DTNA: variants seen among roughly 807,000 people sequenced by gnomAD.
DTNA encodes dystrophin-related protein 3.
In DTNA, 43 loss-of-function variants were observed where a neutral mutation model predicts 100.7. The observed-to-expected ratio is 0.43, with a 90% CI of 0.33 to 0.55. DTNA has a LOEUF of 0.55. Ranked by LOEUF, DTNA falls within the 20% of genes least tolerant of loss-of-function variation. DTNA has a pLI of 0.04. For synonymous variants in DTNA, 349 were observed against 347.9 expected (o/e 1.00, Z -0.04); for missense variants, 798 against 953.9 (o/e 0.84, Z 2.15).
chr18:34,552,907 T>G (rs1228308340), intron 1 of DTNA, among the ~76,000 whole-genome samples: 34 of 144,592 alleles, frequency 2.4e-4, no homozygotes, highest in Non-Finnish European at 4.4e-4. Flanking sequence ...ATGGGATGGC[T>G]GGGTCAAATG....
chr18:34,777,866 G>A lies in DTNA; in HGVS notation c.148+11825G>A, dbSNP rs117796350. On this transcript the variant is annotated intron_variant, in intron 3 of 22. Transcript: ENST00000444659. ...ACAATTCACGATGAGATTTGGGTGG[G>A]GACACAGAATCAAACCACATCAACC... is the stretch of plus-strand genomic sequence containing the variant. 4.1e-3 allele frequency among the ~76,000 whole-genome samples: 625 copies of A among 152,188 alleles called. 17 individuals are homozygous for A. In the East Asian group the frequency reaches 0.077, roughly 19 times the overall value.
chr18:34,564,344 A>T (rs1214592448), intron 1 of DTNA, among the ~76,000 whole-genome samples: 1 of 152,098 alleles, frequency 6.6e-6, no homozygotes, highest in Admixed American at 6.6e-5. Context: ...GGGTTTCACC[A>T]TCTTGGCCAG....
At chr18:34,798,339 T>C (rs1323141390) in intron 4 of DTNA, among the ~76,000 whole-genome samples, 2 of 152,170 alleles carry the variant, frequency 1.3e-5, no homozygotes, top group Non-Finnish European at 2.9e-5. Flanking sequence ...TAAGTCTTCC[T>C]TGATCTCCAA....
intron 1 of DTNA, among the ~76,000 whole-genome samples, chr18:34,659,989 A>G (rs952406810): frequency 2.6e-5 from 4 of 152,214 alleles, no homozygotes; most frequent in Admixed American, 1.3e-4. Context: ...AGTATAATGA[A>G]GTATTGAGCT....
intron 16 of DTNA, among the ~76,000 whole-genome samples, chr18:34,863,528 T>C (rs566930740): frequency 6.6e-6 from 1 of 152,332 alleles, no homozygotes; most frequent in South Asian, 2.1e-4. Flanking sequence ...TAAATATATT[T>C]CCAAATACTA....
chr18:34,780,496 C>A (rs1161072439), intron 3 of DTNA, among the ~76,000 whole-genome samples: 1 of 152,076 alleles, frequency 6.6e-6, no homozygotes, highest in Non-Finnish European at 1.5e-5. Context: ...AATAATCAGC[C>A]TTTTTGATAT....
chr18:34,821,636 C>T (rs2095721517), intron 9 of DTNA, among the ~76,000 whole-genome samples: 1 of 152,054 alleles, frequency 6.6e-6, no homozygotes, highest in African/African-American at 2.4e-5. Flanking sequence ...TTGGTGTTAC[C>T]TGGGGCTCAT....
At chr18:34,565,658 C>T (rs1250251414) in intron 1 of DTNA, among the ~76,000 whole-genome samples, 1 of 152,186 alleles carries the variant, frequency 6.6e-6, no homozygotes, top group Non-Finnish European at 1.5e-5. Context: ...CTCTACATGA[C>T]TTTCTTTGTG....
chr18:34,532,601 C>T (rs929124675), intron 1 of DTNA, among the ~76,000 whole-genome samples: 1 of 151,910 alleles, frequency 6.6e-6, no homozygotes, highest in Non-Finnish European at 1.5e-5. Flanking sequence ...GTCCCTAGTC[C>T]GTGCTACTGC....
Position 34,851,474 on chromosome 18 carries a change from C to A in DTNA, c.1435-357C>A, listed in dbSNP as rs368159485. Among the ~76,000 whole-genome samples, 37 of 152,298 alleles carry A rather than the reference C, an allele frequency of 2.4e-4. No individual in the cohort carries two copies. The East Asian group carries it at 5.0e-3, about 21-fold the overall frequency. On this transcript the variant is annotated intron_variant, in intron 14 of 22. Coordinates refer to ENST00000444659, the MANE Select transcript of DTNA (RefSeq NM_001386795.1). Reference sequence around the variant, plus strand: ...TAGAGAAAGCACCCTCTCAACAGTGCAACATCTTTTAAAGCCACCTATAAT... The same window carrying A: ...TAGAGAAAGCACCCTCTCAACAGTGAAACATCTTTTAAAGCCACCTATAAT...
chr18:34,536,805 C>T (rs1196141178), intron 1 of DTNA, among the ~76,000 whole-genome samples: 5 of 151,824 alleles, frequency 3.3e-5, no homozygotes. Context: ...CTTTTATGTG[C>T]TATAACAATA....
chr18:34,757,420 A>G (rs890879037), intron 2 of DTNA: 1 of 152,170 alleles, frequency 6.6e-6, no homozygotes, highest in Non-Finnish European at 1.5e-5. Context: ...TCTCAGACAC[A>G]GTAGAAAAAA....
intron 1 of DTNA, among the ~76,000 whole-genome samples, chr18:34,547,392 T>G (rs1362894516): frequency 6.6e-6 from 1 of 152,096 alleles, no homozygotes; most frequent in East Asian, 1.9e-4. Flanking sequence ...GTAGCAAGAA[T>G]TGATCTTTCT....
At chr18:34,665,133 T>C (rs1447308177) in intron 1 of DTNA, among the ~76,000 whole-genome samples, 2 of 152,114 alleles carry the variant, frequency 1.3e-5, no homozygotes, top group Non-Finnish European at 2.9e-5. Flanking sequence ...GGGCAAGACC[T>C]GAGCATTCTT....
At chr18:34,786,814 T>C (rs896100186) in intron 3 of DTNA, among the ~76,000 whole-genome samples, 1 of 152,178 alleles carries the variant, frequency 6.6e-6, no homozygotes. Context: ...AAATAATATG[T>C]ATATATATCC....
At chr18:34,544,042 A>C (rs893467906) in intron 1 of DTNA, among the ~76,000 whole-genome samples, 1 of 152,124 alleles carries the variant, frequency 6.6e-6, no homozygotes, top group African/African-American at 2.4e-5. Flanking sequence ...GCCAGTTAGT[A>C]GGTGTTAGTA....
chr18:34,593,984 C>T (rs2050068210), intron 1 of DTNA, among the ~76,000 whole-genome samples: 1 of 152,080 alleles, frequency 6.6e-6, no homozygotes, highest in African/African-American at 2.4e-5. Flanking sequence ...GAAAGGTGCT[C>T]TAAAGGTGGC....
At chr18:34,501,156 T>TA (rs1167244576) in intron 1 of DTNA, among the ~76,000 whole-genome samples, 2 of 152,074 alleles carry the variant, frequency 1.3e-5, no homozygotes, top group African/African-American at 2.4e-5. Context: ...TCCTGAGTTT[T>TA]AAAAAAAATC....
intron 6 of DTNA, among the ~76,000 whole-genome samples, chr18:34,813,841 C>CAA (rs34385959): frequency 0.012 from 854 of 71,446 alleles, 17 homozygotes; most frequent in African/African-American, 0.037. Flanking sequence ...GACTCCATCT[C>CAA]AAAAAAAAAA....
Sources: allele counts gnomAD v4.1 joint callset (sites outside exome capture counted in the v4.1 genomes callset), GRCh38; gene constraint gnomAD v4.1.1; transcripts MANE v1.5; gene names NCBI Gene and HGNC (gene_info 2026-07-23, HGNC 2026-07-21).